VWA1: variants seen among roughly 807,000 people sequenced by gnomAD.
The protein encoded by VWA1 is von Willebrand factor A domain-containing protein 1.
A neutral mutation model predicts 14.9 loss-of-function variants in VWA1; 12 were observed. That is an observed-to-expected ratio of 0.80 (90% CI 0.52 to 1.30). VWA1 has a LOEUF of 1.30. Among genes scored for constraint, VWA1 ranks in the 50% most tolerant of loss-of-function variants. The probability of loss-of-function intolerance (pLI) is 0.00; values close to 1 mark genes in which losing one functional copy is unlikely to be tolerated. For missense variants in VWA1, 800 were observed against 649.1 expected, an observed-to-expected ratio of 1.23 and a Z score of -2.53; for synonymous variants, 368 against 310.7, an observed-to-expected ratio of 1.18 and a Z score of -1.94.
chr1:1,440,225 T>G lies in VWA1; in HGVS notation c.*438T>G, dbSNP rs1283254537. 2 of 166,922 alleles carry G rather than the reference T, an allele frequency of 1.2e-5. No individual in the cohort carries two copies. Among genetic ancestry groups the G allele is most frequent in the African/African-American group, 4.8e-5 (2 of 41,418 alleles). The allele number at this position is 166,922 out of a possible 1,614,324, so 10.3% of individuals were successfully genotyped here. On this transcript the variant is annotated 3_prime_UTR_variant, in exon 3 of 3. Coordinates refer to ENST00000476993, the MANE Select transcript of VWA1 (RefSeq NM_022834.5). Reference sequence around the variant, plus strand: ...TCGCGGGAAGCTGGCCCAGGTCAGGTCCGCAAAGGCTTCTGAAGAAGAGGA... The same window carrying G: ...TCGCGGGAAGCTGGCCCAGGTCAGGGCCGCAAAGGCTTCTGAAGAAGAGGA...
Position 1,435,776 on chromosome 1 carries a change from G to T in VWA1, c.28G>T (p.Ala10Ser). Residue 10 changes from alanine (A) to serine (S), a missense_variant, in exon 1 of 3, where the codon GCC becomes TCC. Ala to Ser is a moderately conservative substitution (Grantham distance 99). Coordinates refer to ENST00000476993, the MANE Select transcript of VWA1 (RefSeq NM_022834.5). MLPWTALGL[A>S]LSLRLALARS... ...GCTCCCCTGGACGGCGCTCGGCCTG[G>T]CCCTGAGCTTGCGGCTGGCGCTGGC... is the stretch of plus-strand genomic sequence containing the variant. 1 of 1,223,356 alleles carries T rather than the reference G, an allele frequency of 8.2e-7. No individual in the cohort carries two copies. Among genetic ancestry groups the T allele is most frequent in the Non-Finnish European group, 1.0e-6 (1 of 976,544 alleles). The allele number at this position is 1,223,356 out of a possible 1,614,324, so 75.8% of individuals were successfully genotyped here.
chr1:1,437,046 C>T lies in VWA1; in HGVS notation c.193C>T (p.Pro65Ser), dbSNP rs138877764. ...EFVGQLVAPLPLGTGALRASL... is the reference protein window; with the variant it reads ...EFVGQLVAPLSLGTGALRASL... ...TGTGGGGCAGCTGGTGGCTCCACTG[C>T]CCCTGGGCACCGGGGCCCTGCGTGC... is the stretch of plus-strand genomic sequence containing the variant. The change falls in exon 2 of 3, where the codon CCC becomes TCC. Residue 65 changes from proline (P) to serine (S), a missense_variant. By Grantham distance (74) the Pro-to-Ser change is moderately conservative (BLOSUM62 -1). Transcript: ENST00000476993. 1.3e-5 allele frequency: 21 copies of T among 1,611,160 alleles called. No individual in the cohort carries two copies. Among genetic ancestry groups the T allele is most frequent in the African/African-American group, 4.0e-5 (3 of 74,936 alleles).
In VWA1 at chr1:1,439,160, C is replaced by A. The variant is rs371003158; in HGVS notation, c.711C>A (p.Thr237=). ...GFRLAWPPLL[T]ADSGYYVLEL... ...GCCTGGCCTGGCCACCCCTGCTGAC[C>A]GCAGACTCGGGCTACTATGTGCTGG... is the stretch of plus-strand genomic sequence containing the variant. The change falls in exon 3 of 3, where the codon ACC becomes ACA. Residue 237 remains threonine, a synonymous_variant. Transcript: ENST00000476993. 3.7e-6 allele frequency: 6 copies of A among 1,603,664 alleles called. No homozygotes were observed. The highest frequency in any genetic ancestry group is 1.7e-4 in the Middle Eastern group (1 of 6,056).
At chr1:1,437,637 G>A (rs1364887509) in intron 2 of VWA1, among the ~76,000 whole-genome samples, 153 bp downstream of exon 2, 1 of 152,198 alleles carries the variant, frequency 6.6e-6, no homozygotes, top group Admixed American at 6.5e-5. Flanking sequence ...GAGTGATGCA[G>A]CTTGTCTATG....
Position 1,435,704 on chromosome 1 carries a change from G to C in VWA1, c.-45G>C, listed in dbSNP as rs1417683769. ...ACGCGCCCTGCAGCCCCGAGCGAGC[G>C]AGCGAGCGAGCGAGTTGCCGAGCGC... On this transcript the variant is annotated 5_prime_UTR_variant, in exon 1 of 3. Transcript: ENST00000476993. 3 of 1,175,228 alleles carry C rather than the reference G, an allele frequency of 2.6e-6. No homozygotes were observed. The highest frequency in any genetic ancestry group is 1.6e-5 in the African/African-American group (1 of 60,726). 72.8% of individuals were successfully genotyped at this position (1,175,228 alleles called of 1,614,324 possible).
chr1:1,438,925 A>G (rs1282384063), intron 2 of VWA1, among the ~76,000 whole-genome samples, 156 bp from the exon 3 acceptor site: 1 of 152,152 alleles, frequency 6.6e-6, no homozygotes, highest in Non-Finnish European at 1.5e-5. Flanking sequence ...AATCCCCAGC[A>G]TCTGCGGGGC....
intron 1 of VWA1, 28 bp downstream of exon 1, chr1:1,435,849 G>T: frequency 8.9e-7 from 1 of 1,119,382 alleles, no homozygotes. Context: ...CCGGGCCGGG[G>T]CTGGGGCTTC....
chr1:1,440,734 A>G lies in VWA1; in HGVS notation c.*947A>G, dbSNP rs1431323969. The G allele has an allele frequency of 6.0e-6, 1 of 165,380 alleles. No homozygotes were observed. The highest frequency in any genetic ancestry group is 1.5e-5 in the Non-Finnish European group (1 of 68,092). 10.2% of individuals were successfully genotyped at this position (165,380 alleles called of 1,614,324 possible). On this transcript the variant is annotated 3_prime_UTR_variant, in exon 3 of 3. Coordinates refer to ENST00000476993, the MANE Select transcript of VWA1 (RefSeq NM_022834.5). ...CGCCTCTTCCCCACTAACATCCCAG[A>G]CTTTAAAATTCAGTAAATCAGATGT...
chr1:1,439,846 AACCCG>A lies in VWA1; in HGVS notation c.*60_*64del. The A allele has an allele frequency of 1.9e-6, 2 of 1,050,076 alleles. No individual in the cohort carries two copies. The highest frequency in any genetic ancestry group is 2.3e-6 in the Non-Finnish European group (2 of 871,154). The allele number at this position is 1,050,076 out of a possible 1,614,324, so 65.0% of individuals were successfully genotyped here. ...CCTACCTGAGGGCCCCTGTGTCCCG[AACCCG>A]GAGCGGAGGCGCCCAACCCGGCAGA... On this transcript the variant is annotated 3_prime_UTR_variant, in exon 3 of 3. Coordinates refer to ENST00000476993, the MANE Select transcript of VWA1 (RefSeq NM_022834.5).
chr1:1,437,389 C>G lies in VWA1; in HGVS notation c.536C>G (p.Ser179Ter), dbSNP rs1270027977. 1 of 1,612,818 alleles carries G rather than the reference C, an allele frequency of 6.2e-7. No homozygotes were observed. The highest frequency in any genetic ancestry group is 8.5e-7 in the Non-Finnish European group (1 of 1,179,970). ...STGRGNFLEL[S>*]AAASAPAEKH... ...GGCCGAGGCAACTTCCTGGAGCTGT[C>G]AGCCGCTGCCTCAGCCCCTGCCGAG... Residue 179 changes from serine (S) to a stop codon, truncating the protein, a stop_gained, in exon 2 of 3, where the codon TCA becomes TGA. Coordinates refer to ENST00000476993, the MANE Select transcript of VWA1 (RefSeq NM_022834.5). LOFTEE classifies it high-confidence loss of function.
rs1392205482 is a variant in VWA1, at chr1:1,441,130, G to C, written c.*1343G>C. 1 of 152,232 alleles carries C rather than the reference G, an allele frequency of 6.6e-6. No homozygotes were observed. The highest frequency in any genetic ancestry group is 1.5e-5 in the Non-Finnish European group (1 of 68,090). 9.4% of individuals were successfully genotyped at this position (152,232 alleles called of 1,614,324 possible). ...TGGGGTCCACTGCCCCTTTCCCCAC[G>C]TGGACTCTGCGTGACCCCAGGAACT... On this transcript the variant is annotated 3_prime_UTR_variant, in exon 3 of 3. Transcript: ENST00000476993.
Position 1,440,180 on chromosome 1 carries a change from G to C in VWA1, c.*393G>C, listed in dbSNP as rs1330947882. On this transcript the variant is annotated 3_prime_UTR_variant, in exon 3 of 3. Transcript: ENST00000476993. ...GCGGGCAGCTTGGGTCCTGGACGTT[G>C]ATAGGAAGCGGAAGGGGAATCGCGG... is the stretch of plus-strand genomic sequence containing the variant. 1.2e-5 allele frequency: 2 copies of C among 167,408 alleles called. No individual in the cohort carries two copies. The highest frequency in any genetic ancestry group is 4.8e-5 in the African/African-American group (2 of 41,490). The allele number at this position is 167,408 out of a possible 1,614,324, so 10.4% of individuals were successfully genotyped here.
At position 1,437,404 on chromosome 1, in the gene VWA1, C is replaced by T. The variant is rs1380597785; in HGVS notation, c.551C>T (p.Ala184Val). 3.7e-6 allele frequency: 6 copies of T among 1,612,716 alleles called. No homozygotes were observed. The African/African-American group carries it at 8.0e-5, about 22-fold the overall frequency. The change falls in exon 2 of 3, where the codon GCC (alanine) becomes GTC (valine). Residue 184 changes from alanine (A) to valine (V), a missense_variant. Transcript: ENST00000476993. ...CTGGAGCTGTCAGCCGCTGCCTCAG[C>T]CCCTGCCGAGAAGCACCTGCACTTT... ...NFLELSAAAS[A>V]PAEKHLHFVD...
In VWA1 at chr1:1,440,698, A is replaced by G. The variant is rs536535722; in HGVS notation, c.*911A>G. Reference sequence around the variant, plus strand: ...CCCCGCCTAGTCCTCGGCGTCACGCAATGCTCACCTCGCCTCTTCCCCACT... The same window carrying G: ...CCCCGCCTAGTCCTCGGCGTCACGCGATGCTCACCTCGCCTCTTCCCCACT... On this transcript the variant is annotated 3_prime_UTR_variant, in exon 3 of 3. Coordinates refer to ENST00000476993, the MANE Select transcript of VWA1 (RefSeq NM_022834.5). 1.2e-5 allele frequency: 2 copies of G among 166,872 alleles called. No homozygotes were observed. The highest frequency in any genetic ancestry group is 4.8e-5 in the African/African-American group (2 of 41,542). The allele number at this position is 166,872 out of a possible 1,614,324, so 10.3% of individuals were successfully genotyped here. A position where few individuals can be genotyped will look rare whatever the true frequency, so the allele number is the denominator to read the frequency against.
In VWA1 at chr1:1,439,402, G is replaced by A. The variant is rs1434297929; in HGVS notation, c.953G>A (p.Gly318Glu). 1.1e-5 allele frequency: 16 copies of A among 1,445,110 alleles called. No homozygotes were observed. The highest frequency in any genetic ancestry group is 1.4e-5 in the South Asian group (1 of 70,350). The allele number at this position is 1,445,110 out of a possible 1,614,324, so 89.5% of individuals were successfully genotyped here. A position where few individuals can be genotyped will look rare whatever the true frequency, so the allele number is the denominator to read the frequency against. The change falls in exon 3 of 3, where the codon GGG becomes GAG. Residue 318 changes from glycine (G) to glutamate (E), a missense_variant. Transcript: ENST00000476993. ...GCTTCGGGCCCGGAGTCGGGGGCTG[G>A]GCCGGCCCCCACGCAGCTCGCCGCC... ...PGASGPESGA[G>E]PAPTQLAALP... is the part of the protein sequence containing the mutation.
Position 1,439,650 on chromosome 1 carries a change from G to A in VWA1, c.1201G>A (p.Val401Met). Residue 401 changes from valine to methionine, a missense_variant, in exon 3 of 3, where the codon GTG becomes ATG. Val to Met is a conservative substitution (Grantham distance 21). Transcript: ENST00000476993. Reference sequence around the variant, plus strand: ...CCTGGCGCCGGGCACCGCCTACCTGGTGACCGTGACCGCCGCCTTCCGCTC... The same window carrying A: ...CCTGGCGCCGGGCACCGCCTACCTGATGACCGTGACCGCCGCCTTCCGCTC... ...QGLAPGTAYLVTVTAAFRSGR... is the reference protein window; with the variant it reads ...QGLAPGTAYLMTVTAAFRSGR... The A allele has an allele frequency of 1.5e-6, 2 of 1,322,858 alleles. No individual in the cohort carries two copies. The highest frequency in any genetic ancestry group is 1.6e-5 in the African/African-American group (1 of 62,622). 81.9% of individuals were successfully genotyped at this position (1,322,858 alleles called of 1,614,324 possible).
intron 2 of VWA1, 66 bp downstream of exon 2, chr1:1,437,550 A>C: frequency 3.9e-6 from 6 of 1,533,308 alleles, no homozygotes; most frequent in Non-Finnish European, 5.3e-6. Context: ...GGCTGGGTTG[A>C]GACTTTGGGA....
chr1:1,439,516 T>C lies in VWA1; in HGVS notation c.1067T>C (p.Leu356Pro), dbSNP rs939253823. 2.7e-5 allele frequency: 37 copies of C among 1,388,168 alleles called. No individual in the cohort carries two copies. Among genetic ancestry groups the C allele is most frequent in the Non-Finnish European group, 3.0e-5 (32 of 1,074,436 alleles). 86.0% of individuals were successfully genotyped at this position (1,388,168 alleles called of 1,614,324 possible). A position where few individuals can be genotyped will look rare whatever the true frequency, so the allele number is the denominator to read the frequency against. The change falls in exon 3 of 3, where the codon CTG becomes CCG. Residue 356 changes from leucine (L) to proline (P), a missense_variant. Physicochemically the swap from Leu to Pro is moderately conservative, Grantham distance 98. Coordinates refer to ENST00000476993, the MANE Select transcript of VWA1 (RefSeq NM_022834.5). ...RSLRVSWAPA[L>P]GSAAALGYHV... ...CTCCGCGTGAGTTGGGCCCCAGCGCTGGGCTCAGCCGCGGCGCTCGGCTAC... is the reference window on the plus strand; with the variant it reads ...CTCCGCGTGAGTTGGGCCCCAGCGCCGGGCTCAGCCGCGGCGCTCGGCTAC...
rs1294144185 is a variant in VWA1, at chr1:1,438,961, G to A, written c.632-120G>A. 4.9e-6 allele frequency: 7 copies of A among 1,422,972 alleles called. No homozygotes were observed. The African/African-American group carries it at 1.0e-4, about 21-fold the overall frequency. 88.1% of individuals were successfully genotyped at this position (1,422,972 alleles called of 1,614,324 possible). On this transcript the variant is annotated intron_variant, in intron 2 of 2. Coordinates refer to ENST00000476993, the MANE Select transcript of VWA1 (RefSeq NM_022834.5). ...ATGGCTCCAGCAGCTCCTTGGCCGCGGGGCCCCGTCTTTCCTAGTGGGGCC... is the reference window on the plus strand; with the variant it reads ...ATGGCTCCAGCAGCTCCTTGGCCGCAGGGCCCCGTCTTTCCTAGTGGGGCC...
Sources: allele counts gnomAD v4.1 joint callset (sites outside exome capture counted in the v4.1 genomes callset), GRCh38; gene constraint gnomAD v4.1.1; transcripts MANE v1.5; gene names NCBI Gene and HGNC (gene_info 2026-07-23, HGNC 2026-07-21).